Variants in CNBD1 observed in about 807,000 individuals in gnomAD.
CNBD1 encodes cyclic nucleotide binding domain containing 1, also known as cyclic nucleotide-binding domain-containing protein 1.
CNBD1 carries 71 observed loss-of-function variants against 54.4 expected under a neutral mutation model. The ratio of observed to expected loss-of-function variants is 1.30; its 90% CI spans 1.08 to 1.59. CNBD1 has a LOEUF of 1.59. Ranked by LOEUF, CNBD1 falls within the 40% of genes most tolerant of loss-of-function variation. The pLI is 0.00. For synonymous variants in CNBD1, 182 were observed against 170.7 expected (o/e 1.07, Z -0.51); for missense variants, 659 against 518.0 (o/e 1.27, Z -2.64).
intron 2 of CNBD1, among the ~76,000 whole-genome samples, chr8:87,394,642 A>G (rs1811376457): frequency 6.6e-6 from 1 of 151,768 alleles, no homozygotes; most frequent in Non-Finnish European, 1.5e-5. Flanking sequence ...TTTTGTTTTC[A>G]GAATAGTTAA....
intron 5 of CNBD1, among the ~76,000 whole-genome samples, chr8:87,223,159 A>G (rs1814380852): frequency 6.6e-6 from 1 of 150,504 alleles, no homozygotes; most frequent in African/African-American, 2.4e-5. Context: ...CAAGTTTGCC[A>G]TACGTATTTA....
intron 4 of CNBD1, among the ~76,000 whole-genome samples, chr8:87,033,851 A>C (rs1809848063): frequency 6.6e-6 from 1 of 152,174 alleles, no homozygotes. Context: ...TAAAATATCA[A>C]ACCATCCTTT....
intron 4 of CNBD1, among the ~76,000 whole-genome samples, chr8:87,030,937 CCCCCT>C (rs1418343110): frequency 0.011 from 1,109 of 104,352 alleles, 34 homozygotes; most frequent in African/African-American, 0.04. Context: ...TGCCCCCCTT[CCCCCT>C]CCTCCCCCTC....
chr8:87,419,468 T>C (rs368976647), intron 2 of CNBD1, among the ~76,000 whole-genome samples: 25 of 151,830 alleles, frequency 1.6e-4, no homozygotes, highest in African/African-American at 5.6e-4. Context: ...TAAAAGACAA[T>C]AAGAATGCAT....
At chr8:87,069,904 G>A (rs1810726122) in intron 4 of CNBD1, among the ~76,000 whole-genome samples, 1 of 152,004 alleles carries the variant, frequency 6.6e-6, no homozygotes, top group African/African-American at 2.4e-5. Flanking sequence ...ATTCATAATA[G>A]TGTGATACAT....
intron 4 of CNBD1, among the ~76,000 whole-genome samples, chr8:87,150,979 G>A (rs752232280): frequency 6.6e-6 from 1 of 152,146 alleles, no homozygotes; most frequent in Non-Finnish European, 1.5e-5. Flanking sequence ...GAAGGTCGGG[G>A]CCTATCTTCA....
At chr8:86,904,154 GA>G (rs1341799907) in intron 2 of CNBD1, among the ~76,000 whole-genome samples, 1 of 151,920 alleles carries the variant, frequency 6.6e-6, no homozygotes. Context: ...TATTTACAAT[GA>G]AAATGAAAAA....
chr8:87,031,531 A>G (rs1280984714), intron 4 of CNBD1, among the ~76,000 whole-genome samples: 1 of 152,028 alleles, frequency 6.6e-6, no homozygotes, highest in Non-Finnish European at 1.5e-5. Context: ...AGCTACTCAT[A>G]CTCCAGGATG....
intron 4 of CNBD1, among the ~76,000 whole-genome samples, chr8:86,951,457 G>A (rs1378337004): frequency 6.6e-6 from 1 of 151,366 alleles, no homozygotes; most frequent in African/African-American, 2.4e-5. Context: ...GTGGGCACCT[G>A]TAATCCCAGC....
intron 2 of CNBD1, among the ~76,000 whole-genome samples, chr8:87,402,936 T>C (rs571524626): frequency 1.3e-5 from 2 of 152,192 alleles, no homozygotes; most frequent in African/African-American, 4.8e-5. Flanking sequence ...GCATACTTAG[T>C]AATGTAATGT....
chr8:87,240,624 A>G (rs1807676384), intron 6 of CNBD1, among the ~76,000 whole-genome samples: 2 of 152,218 alleles, frequency 1.3e-5, no homozygotes, highest in Admixed American at 1.3e-4. Flanking sequence ...AATAGTTTAA[A>G]TTGGTCTATT....
chr8:86,957,261 T>A (rs1203166131), intron 4 of CNBD1, among the ~76,000 whole-genome samples: 3 of 152,184 alleles, frequency 2.0e-5, no homozygotes, highest in Non-Finnish European at 2.9e-5. Flanking sequence ...TGCATCGATG[T>A]TCATCAGGGA....
intron 2 of CNBD1, among the ~76,000 whole-genome samples, chr8:87,425,465 C>T (rs919733832): frequency 6.6e-5 from 10 of 152,146 alleles, no homozygotes; most frequent in Admixed American, 5.2e-4. Flanking sequence ...TACTTTTGGT[C>T]TTTGATGATG....
intron 6 of CNBD1, among the ~76,000 whole-genome samples, chr8:87,282,299 A>G (rs1808615709): frequency 6.6e-6 from 1 of 151,696 alleles, no homozygotes; most frequent in African/African-American, 2.4e-5. Context: ...AGAGTACCAT[A>G]TTAGTCATTC....
chr8:87,137,213 T>C (rs1812273593), intron 4 of CNBD1, among the ~76,000 whole-genome samples: 1 of 145,334 alleles, frequency 6.9e-6, no homozygotes, highest in East Asian at 2.0e-4. Context: ...ATATTATATT[T>C]ATATTCTATA....
At chr8:87,126,445 C>G (rs765542395) in intron 4 of CNBD1, among the ~76,000 whole-genome samples, 5 of 151,998 alleles carry the variant, frequency 3.3e-5, no homozygotes, top group African/African-American at 1.2e-4. Flanking sequence ...GAACCTTTTA[C>G]TTGTACAAAT....
At chr8:87,388,837 A>T (rs1811247847) in intron 2 of CNBD1, among the ~76,000 whole-genome samples, 1 of 152,200 alleles carries the variant, frequency 6.6e-6, no homozygotes, top group Non-Finnish European at 1.5e-5. Context: ...ATTAACATCG[A>T]TGCAAAATCC....
chr8:86,888,752 C>T (rs537455292), intron 2 of CNBD1, among the ~76,000 whole-genome samples: 27 of 150,284 alleles, frequency 1.8e-4, no homozygotes, highest in African/African-American at 6.0e-4. Context: ...TATGTTGGTC[C>T]CTTTTCTAAT....
At chr8:87,379,409 C>A (rs1811026338) in intron 10 of CNBD1, among the ~76,000 whole-genome samples, 1 of 151,792 alleles carries the variant, frequency 6.6e-6, no homozygotes, top group Non-Finnish European at 1.5e-5. Flanking sequence ...ACTCTCCACC[C>A]CAAATCAACA....
Sources: allele counts gnomAD v4.1 joint callset (sites outside exome capture counted in the v4.1 genomes callset), GRCh38; gene constraint gnomAD v4.1.1; transcripts MANE v1.5; gene names NCBI Gene and HGNC (gene_info 2026-07-23, HGNC 2026-07-21).